Variants in KCNH8 observed in about 807,000 individuals in gnomAD.
KCNH8 encodes voltage-gated delayed rectifier potassium channel KCNH8.
In KCNH8, 70 loss-of-function variants were observed where a neutral mutation model predicts 103.6. That is an observed-to-expected ratio of 0.68 (90% confidence interval 0.56 to 0.82). The LOEUF (loss-of-function observed/expected upper bound fraction) is 0.82. Ranked by LOEUF, KCNH8 falls within the 40% of genes least tolerant of loss-of-function variation. The pLI, the probability that KCNH8 is intolerant of heterozygous loss-of-function variation, is 0.00. For synonymous variants in KCNH8, 498 were observed against 489.4 expected (o/e 1.02, Z -0.23); for missense variants, 1,217 against 1,329.9 (o/e 0.92, Z 1.32).
At chr3:19,349,231 T>C (rs1158735268) in intron 5 of KCNH8, among the ~76,000 whole-genome samples, 1 of 152,126 alleles carries the variant, frequency 6.6e-6, no homozygotes, top group Non-Finnish European at 1.5e-5. Flanking sequence ...TAAAGGGATC[T>C]ATTAAATAAT....
chr3:19,299,844 T>C (rs991702106), intron 3 of KCNH8, among the ~76,000 whole-genome samples: 2 of 151,930 alleles, frequency 1.3e-5, no homozygotes, highest in African/African-American at 4.8e-5. Flanking sequence ...TTTTAATATG[T>C]ATTAGAAAAC....
At chr3:19,289,013 C>G (rs2064877984) in intron 3 of KCNH8, among the ~76,000 whole-genome samples, 1 of 152,188 alleles carries the variant, frequency 6.6e-6, no homozygotes, top group African/African-American at 2.4e-5. Flanking sequence ...TGTCTTTTGG[C>G]TGCATAAATG....
At chr3:19,203,617 A>C (rs1350977147) in intron 1 of KCNH8, among the ~76,000 whole-genome samples, 2 of 152,062 alleles carry the variant, frequency 1.3e-5, no homozygotes, top group Non-Finnish European at 2.9e-5. Flanking sequence ...AAAAGCAAAA[A>C]TAATATCACC....
At chr3:19,419,670 G>C (rs1268359956) in intron 7 of KCNH8, among the ~76,000 whole-genome samples, 2 of 151,800 alleles carry the variant, frequency 1.3e-5, no homozygotes, top group Non-Finnish European at 2.9e-5. Context: ...CAGAAACTCA[G>C]AGCCCAGAAA....
intron 3 of KCNH8, among the ~76,000 whole-genome samples, chr3:19,283,326 G>GCT (rs762798289): frequency 6.6e-6 from 1 of 152,046 alleles, no homozygotes; most frequent in African/African-American, 2.4e-5. Context: ...ATTAAATTGT[G>GCT]CTCAATAATA....
At chr3:19,280,730 T>A (rs780811439) in intron 2 of KCNH8, among the ~76,000 whole-genome samples, 2 of 152,108 alleles carry the variant, frequency 1.3e-5, no homozygotes, top group Non-Finnish European at 2.9e-5. Flanking sequence ...TCCCCAAAAC[T>A]TGATACTTTT....
intron 5 of KCNH8, among the ~76,000 whole-genome samples, chr3:19,355,320 T>C (rs1390517375): frequency 2.0e-5 from 3 of 152,226 alleles, no homozygotes; most frequent in Non-Finnish European, 2.9e-5. Flanking sequence ...TGGAAGACAG[T>C]ATGGTGATTC....
chr3:19,190,457 G>C (rs1575424843), intron 1 of KCNH8, among the ~76,000 whole-genome samples: 1 of 151,924 alleles, frequency 6.6e-6, no homozygotes, highest in East Asian at 1.9e-4. Context: ...TTTTATCCTA[G>C]AAATATTTTG....
intron 7 of KCNH8, among the ~76,000 whole-genome samples, chr3:19,434,403 C>A (rs2067166077): frequency 6.6e-6 from 1 of 152,190 alleles, no homozygotes; most frequent in Admixed American, 6.5e-5. Context: ...CTTACACAGA[C>A]ATAAAGACAC....
intron 2 of KCNH8, among the ~76,000 whole-genome samples, chr3:19,260,692 G>A (rs2125258562): frequency 6.7e-6 from 1 of 148,308 alleles, no homozygotes; most frequent in Non-Finnish European, 1.5e-5. Flanking sequence ...TTGTTCATTA[G>A]ATCTTTCAAC....
intron 5 of KCNH8, among the ~76,000 whole-genome samples, chr3:19,355,625 T>C (rs2065870692): frequency 6.6e-6 from 1 of 151,968 alleles, no homozygotes; most frequent in African/African-American, 2.4e-5. Flanking sequence ...GAGCAAACTG[T>C]TGCAAGGATA....
At chr3:19,166,208 CT>C (rs959247086) in intron 1 of KCNH8, among the ~76,000 whole-genome samples, 1 of 152,132 alleles carries the variant, frequency 6.6e-6, no homozygotes, top group Non-Finnish European at 1.5e-5. Flanking sequence ...GGTTAGACAT[CT>C]TTTTTTGTAA....
intron 9 of KCNH8, 107 bp from the exon 10 acceptor site, chr3:19,451,048 G>T (rs777721352): frequency 2.0e-5 from 21 of 1,076,208 alleles, no homozygotes; most frequent in Non-Finnish European, 2.8e-5. Context: ...ATGCTGGATG[G>T]CCAAACAGCA....
chr3:19,378,324 A>T (rs1458008887), intron 5 of KCNH8, among the ~76,000 whole-genome samples: 1 of 152,242 alleles, frequency 6.6e-6, no homozygotes, highest in East Asian at 1.9e-4. Flanking sequence ...CTCTGGAGAA[A>T]GCAGAAGTGA....
intron 15 of KCNH8, among the ~76,000 whole-genome samples, chr3:19,525,423 A>T (rs1177522960): frequency 1.3e-5 from 2 of 151,838 alleles, no homozygotes; most frequent in Non-Finnish European, 2.9e-5. Context: ...TGTTCTATAC[A>T]ACCAGTATTC....
intron 7 of KCNH8, among the ~76,000 whole-genome samples, chr3:19,400,607 T>C (rs1244071077): frequency 6.6e-6 from 1 of 151,882 alleles, no homozygotes; most frequent in Non-Finnish European, 1.5e-5. Context: ...TGCCTAAAAG[T>C]GTATCTGTAT....
intron 11 of KCNH8, among the ~76,000 whole-genome samples, chr3:19,470,821 T>C (rs1402080619): frequency 6.6e-6 from 1 of 152,164 alleles, no homozygotes; most frequent in Non-Finnish European, 1.5e-5. Context: ...TCAGCAACAT[T>C]TTCACAGAAA....
intron 1 of KCNH8, among the ~76,000 whole-genome samples, chr3:19,149,507 G>C (rs907802214): frequency 8.6e-5 from 13 of 151,492 alleles, no homozygotes; most frequent in African/African-American, 3.2e-4. Context: ...AGCTACAGTA[G>C]GAAAAAAAAT....
intron 15 of KCNH8, among the ~76,000 whole-genome samples, chr3:19,525,420 T>C (rs532785047): frequency 1.3e-5 from 2 of 151,952 alleles, no homozygotes; most frequent in Admixed American, 6.6e-5. Flanking sequence ...CACTGTTCTA[T>C]ACAACCAGTA....
Sources: allele counts gnomAD v4.1 joint callset (sites outside exome capture counted in the v4.1 genomes callset), GRCh38; gene constraint gnomAD v4.1.1; transcripts MANE v1.5; gene names NCBI Gene and HGNC (gene_info 2026-07-23, HGNC 2026-07-21).